Variants in UNC5A observed in about 807,000 individuals in gnomAD.
UNC5A encodes the protein unc-5 netrin receptor A.
UNC5A carries 20 observed loss-of-function variants against 87.4 expected under a neutral mutation model. The observed-to-expected ratio is 0.23, with a 90% CI of 0.16 to 0.33. The LOEUF (loss-of-function observed/expected upper bound fraction) is 0.33, where lower values mean the gene tolerates loss of function less well. Among genes scored for constraint, UNC5A ranks in the 10% least tolerant of loss-of-function variants. The pLI, the probability that UNC5A is intolerant of heterozygous loss-of-function variation, is 1.00. For missense variants in UNC5A, 844 were observed against 1,133.4 expected, an observed-to-expected ratio of 0.74 and a Z score of 3.67; for synonymous variants, 438 against 482.3, an observed-to-expected ratio of 0.91 and a Z score of 1.20.
At chr5:176,812,950 C>T (rs957825394) in intron 1 of UNC5A, among the ~76,000 whole-genome samples, 1 of 152,172 alleles carries the variant, frequency 6.6e-6, no homozygotes, top group African/African-American at 2.4e-5. Flanking sequence ...CAACAGCCTC[C>T]GGTGAAAAAT....
In UNC5A at chr5:176,874,429, C is replaced by G. The variant is rs889510004; in HGVS notation, c.1241C>G (p.Ser414Cys). 5 of 1,613,442 alleles carry G rather than the reference C, an allele frequency of 3.1e-6. No individual in the cohort carries two copies. The highest frequency in any genetic ancestry group is 1.1e-5 in the South Asian group (1 of 90,990). The change falls in exon 8 of 15, where the codon TCT becomes TGT. Residue 414 changes from serine (S) to cysteine (C), a missense_variant. Ser to Cys is a moderately radical substitution (Grantham distance 112). Coordinates refer to ENST00000329542, the MANE Select transcript of UNC5A (RefSeq NM_133369.3). This position sits in a 1 kb window ranked among gnomAD's most constrained non-coding sequence, Gnocchi z 7.6. ...GGCCGCCACACACTGCACCACAGCTCTCCCACCTCTGAGGCCGAGGAGTTC... is the reference window on the plus strand; with the variant it reads ...GGCCGCCACACACTGCACCACAGCTGTCCCACCTCTGAGGCCGAGGAGTTC... ...GGGRHTLHHS[S>C]PTSEAEEFVS...
Position 176,824,229 on chromosome 5 carries a change from TG to T in UNC5A, c.70+13413del, listed in dbSNP as rs765604047. On this transcript the variant is annotated intron_variant, in intron 1 of 14. Coordinates refer to ENST00000329542, the MANE Select transcript of UNC5A (RefSeq NM_133369.3). This position sits in a 1 kb window ranked among gnomAD's most constrained non-coding sequence, Gnocchi z 4.2. ...TTCCCCCATGTGTGGAAAGCGGCCG[TG>T]GGGCTGAGGCGGGTGAGGCCAGCGC... Among the ~76,000 whole-genome samples the T allele has an allele frequency of 2.3e-3, 355 of 152,230 alleles. 3 individuals are homozygous for T. The highest frequency in any genetic ancestry group is 4.8e-3 in the Admixed American group (74 of 15,298).
chr5:176,858,782 AGCAGGCAG>A (rs60460581), intron 1 of UNC5A, among the ~76,000 whole-genome samples: 10 of 131,774 alleles, frequency 7.6e-5, no homozygotes, highest in African/African-American at 1.2e-4. Flanking sequence ...AAGGCAAGCA[AGCAGGCAG>A]GGAGGGAGGG....
chr5:176,815,376 G>A (rs1445082926), intron 1 of UNC5A, among the ~76,000 whole-genome samples: 1 of 152,210 alleles, frequency 6.6e-6, no homozygotes, highest in Non-Finnish European at 1.5e-5. Flanking sequence ...CCTGCCTTCT[G>A]GGGAGTCTCA....
At chr5:176,857,867 C>T (rs1350539358) in intron 1 of UNC5A, among the ~76,000 whole-genome samples, 3 of 152,234 alleles carry the variant, frequency 2.0e-5, no homozygotes, top group Non-Finnish European at 4.4e-5. Flanking sequence ...GGCCAGGTCA[C>T]GTCCCTTGCC....
At chr5:176,877,799 C>A in intron 10 of UNC5A, 95 bp from the exon 11 acceptor site, 1 of 1,511,802 alleles carries the variant, frequency 6.6e-7, no homozygotes. Context: ...AGCCGCACCC[C>A]CACCCCTCCC....
chr5:176,840,685 C>T (rs151200662), intron 1 of UNC5A, among the ~76,000 whole-genome samples: 1 of 152,210 alleles, frequency 6.6e-6, no homozygotes, highest in Non-Finnish European at 1.5e-5. Context: ...CCTCTCCCCC[C>T]CTGGCCCAGG....
At chr5:176,813,669 G>A (rs951682880) in intron 1 of UNC5A, among the ~76,000 whole-genome samples, 2 of 152,318 alleles carry the variant, frequency 1.3e-5, no homozygotes, top group African/African-American at 4.8e-5. Flanking sequence ...AGAAGTCACG[G>A]CCCTCGTTCC....
rs1365466692 is a variant in UNC5A at position 176,841,286 on chromosome 5, G to C, written c.71-21338G>C. 6.6e-6 allele frequency among the ~76,000 whole-genome samples: 1 copy of C among 152,190 alleles called. No individual in the cohort carries two copies. Among genetic ancestry groups the C allele is most frequent in the Non-Finnish European group, 1.5e-5 (1 of 68,032 alleles). ...GCCGTTTGCAGACAGAGCTGTGCCA[G>C]AGTGAGCCAGCCAGAGGTGAAGCGG... On this transcript the variant is annotated intron_variant, in intron 1 of 14. Transcript: ENST00000329542. This position sits in a 1 kb window ranked among gnomAD's most constrained non-coding sequence, Gnocchi z 4.1.
In UNC5A at chr5:176,868,542, ACT is replaced by A. The variant is rs781513418; in HGVS notation, c.437-15_437-14del. On this transcript the variant is annotated splice_polypyrimidine_tract_variant and intron_variant, in intron 3 of 14. Transcript: ENST00000329542. ...GTGCGAGGCCCTCAGACAGGAGGAC[ACT>A]CTCATTCCTCTTCTAGATTTGCGCA... 9 of 1,581,408 alleles carry A rather than the reference ACT, an allele frequency of 5.7e-6. No individual in the cohort carries two copies. Among genetic ancestry groups the A allele is most frequent in the Non-Finnish European group, 7.7e-6 (9 of 1,163,898 alleles).
At chr5:176,878,162 GC>G (rs775539186) in intron 11 of UNC5A, 35 bp downstream of exon 11, 1 of 1,603,764 alleles carries the variant, frequency 6.2e-7, no homozygotes, top group Non-Finnish European at 8.5e-7. Flanking sequence ...CCGCTGGGAG[GC>G]CGAGCTATGC....
At chr5:176,818,597 C>T (rs539864105) in intron 1 of UNC5A, among the ~76,000 whole-genome samples, 5 of 152,314 alleles carry the variant, frequency 3.3e-5, no homozygotes, top group African/African-American at 9.6e-5. Flanking sequence ...GAGGTCACAC[C>T]GCAGGAAGTG....
rs371939762 is a variant in UNC5A, at chr5:176,869,445, C to T, written c.721+481C>T. 2.6e-5 allele frequency among the ~76,000 whole-genome samples: 4 copies of T among 152,106 alleles called. No individual in the cohort carries two copies. The highest frequency in any genetic ancestry group is 4.8e-5 in the African/African-American group (2 of 41,412). ...ACTGTGGCGTGCGTGCTGCAGGGCC[C>T]GGGGGCCAGCAGGCACGAGCATGGC... On this transcript the variant is annotated intron_variant, in intron 5 of 14. Coordinates refer to ENST00000329542, the MANE Select transcript of UNC5A (RefSeq NM_133369.3). The surrounding 1 kb of genome is among the most constrained non-coding windows in gnomAD (Gnocchi z 9.1).
chr5:176,874,181 C>T lies in UNC5A; in HGVS notation c.1075+25C>T, dbSNP rs971927416. The T allele has an allele frequency of 3.1e-6, 5 of 1,608,078 alleles. No homozygotes were observed. Among genetic ancestry groups the T allele is most frequent in the Non-Finnish European group, 3.4e-6 (4 of 1,175,692 alleles). On this transcript the variant is annotated intron_variant, in intron 7 of 14. Coordinates refer to ENST00000329542, the MANE Select transcript of UNC5A (RefSeq NM_133369.3). The surrounding 1 kb of genome is among the most constrained non-coding windows in gnomAD (Gnocchi z 7.6). ...GGTGAGGGGCCCCGTGCCCCCAGCA[C>T]TCCTGCCCCAGCTCCCACGCCAAGG...
chr5:176,854,095 C>T (rs556261292), intron 1 of UNC5A, among the ~76,000 whole-genome samples: 1 of 152,242 alleles, frequency 6.6e-6, no homozygotes, highest in South Asian at 2.1e-4. Context: ...GCGTGCACCC[C>T]AGCTTGCTGC....
At chr5:176,827,196 T>TTG (rs1396081036) in intron 1 of UNC5A, among the ~76,000 whole-genome samples, 6 of 148,962 alleles carry the variant, frequency 4.0e-5, no homozygotes, top group African/African-American at 7.4e-5. Context: ...TTTTTTTTTT[T>TTG]TTTTGAGACA....
intron 1 of UNC5A, 137 bp from the exon 2 acceptor site, chr5:176,862,487 C>T: frequency 8.2e-6 from 7 of 849,402 alleles, no homozygotes; most frequent in Non-Finnish European, 1.3e-5. Context: ...CTGAGATTGC[C>T]CAGCTGGGAC....
intron 1 of UNC5A, among the ~76,000 whole-genome samples, chr5:176,859,903 C>A (rs1757792477): frequency 6.6e-6 from 1 of 152,244 alleles, no homozygotes; most frequent in African/African-American, 2.4e-5. Context: ...CCCGGGGCCA[C>A]TGTGGCGTGA....
chr5:176,813,575 C>G (rs1756520283), intron 1 of UNC5A, among the ~76,000 whole-genome samples: 1 of 152,176 alleles, frequency 6.6e-6, no homozygotes, highest in Admixed American at 6.5e-5. Context: ...TGCTGCCTGC[C>G]TGCTCCCCAC....
Sources: allele counts gnomAD v4.1 joint callset (sites outside exome capture counted in the v4.1 genomes callset), GRCh38; gene constraint gnomAD v4.1.1; non-coding constraint Gnocchi (gnomAD v3.1); transcripts MANE v1.5; gene names NCBI Gene and HGNC (gene_info 2026-07-23, HGNC 2026-07-21).